Variants in GALK2 observed in about 807,000 individuals in gnomAD.
The protein encoded by GALK2 is galactokinase 2.
GALK2 carries 36 observed loss-of-function variants against 52.4 expected under a neutral mutation model. The observed-to-expected ratio is 0.69, with a 90% confidence interval of 0.53 to 0.91. GALK2 has a LOEUF of 0.91. Among genes scored for constraint, GALK2 ranks in the 40% least tolerant of loss-of-function variants. The pLI is 0.00. For synonymous variants in GALK2, 176 were observed against 199.1 expected (o/e 0.88, Z 0.98); for missense variants, 579 against 559.1 (o/e 1.04, Z -0.36).
chr15:49,225,930 C>T (rs1200871513), intron 3 of GALK2, among the ~76,000 whole-genome samples: 2 of 152,230 alleles, frequency 1.3e-5, no homozygotes, highest in African/African-American at 4.8e-5. Context: ...CTGCACTGTA[C>T]TCATGTTCCT....
At chr15:49,352,724 C>G (rs536192595) in intron 3 of GALK2, among the ~76,000 whole-genome samples, 2 of 152,248 alleles carry the variant, frequency 1.3e-5, no homozygotes, top group East Asian at 3.9e-4. Context: ...TTGGTCATCA[C>G]AGCGCACTTC....
intron 8 of GALK2, among the ~76,000 whole-genome samples, chr15:49,317,501 C>T (rs1468572824): frequency 2.0e-5 from 3 of 151,862 alleles, no homozygotes; most frequent in Non-Finnish European, 2.9e-5. Flanking sequence ...GACAGTGTGG[C>T]GATTCCTCAA....
At chr15:49,268,951 T>C (rs1320154104) in intron 5 of GALK2, among the ~76,000 whole-genome samples, 1 of 152,218 alleles carries the variant, frequency 6.6e-6, no homozygotes, top group Non-Finnish European at 1.5e-5. Flanking sequence ...CAACATCATC[T>C]GCAATATTGT....
chr15:49,322,556 T>G (rs1019782634), intron 9 of GALK2, among the ~76,000 whole-genome samples: 2 of 152,196 alleles, frequency 1.3e-5, no homozygotes. Flanking sequence ...CCAGGGGAAT[T>G]AAGTTGATGC....
intron 2 of GALK2, among the ~76,000 whole-genome samples, chr15:49,201,537 T>G (rs2087775608): frequency 6.6e-6 from 1 of 152,176 alleles, no homozygotes; most frequent in Non-Finnish European, 1.5e-5. Flanking sequence ...CAGGTTAAAA[T>G]TTTAGACTGT....
At chr15:49,205,860 T>C (rs2088233931) in intron 2 of GALK2, among the ~76,000 whole-genome samples, 1 of 152,216 alleles carries the variant, frequency 6.6e-6, no homozygotes, top group Non-Finnish European at 1.5e-5. Context: ...TTTTTTTAGT[T>C]TCATATCTTA....
rs192926937 is a variant in GALK2 at position 49,328,904 on chromosome 15, T to C, written c.*745T>C. ...GCCCTGAGCTATCTCCATTACTTAA[T>C]AGAAAAACTTAGATAAAAAACACTT... On this transcript the variant is annotated 3_prime_UTR_variant, in exon 10 of 10. Coordinates refer to ENST00000560031, the MANE Select transcript of GALK2 (RefSeq NM_002044.4). 3.2e-6 allele frequency: 4 copies of C among 1,232,246 alleles called. No individual in the cohort carries two copies. Among genetic ancestry groups the C allele is most frequent in the African/African-American group, 3.0e-5 (2 of 66,106 alleles). 76.3% of individuals were successfully genotyped at this position (1,232,246 alleles called of 1,614,324 possible). A position where few individuals can be genotyped will look rare whatever the true frequency, so the allele number is the denominator to read the frequency against.
At chr15:49,156,179 G>A (rs1053146588) in intron 1 of GALK2, 1 of 670,034 alleles carries the variant, frequency 1.5e-6, no homozygotes, top group East Asian at 2.8e-5. Flanking sequence ...TAGGTATGCA[G>A]CTATCAGTTG....
intron 8 of GALK2, among the ~76,000 whole-genome samples, chr15:49,295,896 C>T (rs1244242046): frequency 6.6e-6 from 1 of 152,128 alleles, no homozygotes; most frequent in African/African-American, 2.4e-5. Flanking sequence ...TCTGCATCTG[C>T]CTGTCTTCCT....
At chr15:49,213,737 G>T (rs893890930) in intron 2 of GALK2, among the ~76,000 whole-genome samples, 1 of 151,914 alleles carries the variant, frequency 6.6e-6, no homozygotes, top group Non-Finnish European at 1.5e-5. Flanking sequence ...TTATTTTCTG[G>T]TTGTTTTGTT....
intron 5 of GALK2, among the ~76,000 whole-genome samples, chr15:49,265,406 T>G (rs1050917709): frequency 4.6e-5 from 7 of 152,180 alleles, no homozygotes; most frequent in African/African-American, 1.7e-4. Flanking sequence ...TGGTGTGCCG[T>G]TTTTTAAGCC....
At chr15:49,243,746 TA>T (rs1227118523) in intron 5 of GALK2, among the ~76,000 whole-genome samples, 2 of 152,102 alleles carry the variant, frequency 1.3e-5, no homozygotes, top group African/African-American at 4.8e-5. Flanking sequence ...TGAAAAATAA[TA>T]GTGTTACTTT....
chr15:49,253,602 A>G (rs1331905357), intron 5 of GALK2, among the ~76,000 whole-genome samples: 1 of 143,874 alleles, frequency 7.0e-6, no homozygotes, highest in Non-Finnish European at 1.6e-5. Context: ...TAGCACTTGG[A>G]AAGTTTCAAA....
rs557906413 is a variant in GALK2, at chr15:49,239,136, T to C, written c.358-85T>C. Reference sequence around the variant, plus strand: ...CTATTATAAGTCTATTGATAGACTTTTGTTCTCTGGGGAATGAAAGAAGCT... The same window carrying C: ...CTATTATAAGTCTATTGATAGACTTCTGTTCTCTGGGGAATGAAAGAAGCT... On this transcript the variant is annotated intron_variant, in intron 4 of 9. Coordinates refer to ENST00000560031, the MANE Select transcript of GALK2 (RefSeq NM_002044.4). 1.5e-4 allele frequency: 178 copies of C among 1,176,860 alleles called. No individual in the cohort carries two copies. The African/African-American group carries it at 2.5e-3, about 17-fold the overall frequency. The allele number at this position is 1,176,860 out of a possible 1,614,324, so 72.9% of individuals were successfully genotyped here.
chr15:49,158,981 A>G (rs1413325548), intron 1 of GALK2: 2 of 152,210 alleles, frequency 1.3e-5, no homozygotes, highest in Non-Finnish European at 2.9e-5. Context: ...ACATGCCACC[A>G]TTCCTGACTA....
intron 5 of GALK2, among the ~76,000 whole-genome samples, chr15:49,244,715 T>C (rs950536134): frequency 1.3e-5 from 2 of 152,066 alleles, no homozygotes; most frequent in Admixed American, 6.5e-5. Context: ...GAGTTGGGTA[T>C]TTATAGAACA....
chr15:49,213,572 A>T (rs1398761460), intron 2 of GALK2, among the ~76,000 whole-genome samples: 1 of 149,966 alleles, frequency 6.7e-6, no homozygotes, highest in Non-Finnish European at 1.5e-5. Flanking sequence ...ATTTTATTTT[A>T]TTTTTTTTGG....
intron 5 of GALK2, among the ~76,000 whole-genome samples, chr15:49,261,567 C>T (rs1274559569): frequency 6.6e-6 from 1 of 152,020 alleles, no homozygotes; most frequent in Non-Finnish European, 1.5e-5. Context: ...ATTTCCTTCT[C>T]CTGCCTAATT....
intron 1 of GALK2, among the ~76,000 whole-genome samples, chr15:49,173,154 A>G (rs998056755): frequency 2.6e-5 from 4 of 152,218 alleles, no homozygotes; most frequent in African/African-American, 9.6e-5. Flanking sequence ...ATGGAATCAT[A>G]TAAAATGTGT....
Sources: allele counts gnomAD v4.1 joint callset (sites outside exome capture counted in the v4.1 genomes callset), GRCh38; gene constraint gnomAD v4.1.1; transcripts MANE v1.5; gene names NCBI Gene and HGNC (gene_info 2026-07-23, HGNC 2026-07-21).